The following THSD4 variants were observed in gnomAD, a reference collection of about 807,000 sequenced individuals.
The protein encoded by THSD4 is thrombospondin type 1 domain containing 4.
A neutral mutation model predicts 119.0 loss-of-function variants in THSD4; 69 were observed. The observed-to-expected ratio is 0.58, with a 90% CI of 0.48 to 0.71. The LOEUF (loss-of-function observed/expected upper bound fraction) is 0.71. Among genes scored for constraint, THSD4 ranks in the 30% least tolerant of loss-of-function variants. THSD4 has a pLI of 0.00. For missense variants in THSD4, 1,393 were observed against 1,391.1 expected (o/e 1.00, Z -0.02); for synonymous variants, 524 against 540.4 (o/e 0.97, Z 0.42).
intron 6 of THSD4, among the ~76,000 whole-genome samples, chr15:71,373,742 G>C (rs1431343137): frequency 6.6e-6 from 1 of 152,138 alleles, no homozygotes; most frequent in Non-Finnish European, 1.5e-5. Flanking sequence ...AGTCCATTCT[G>C]CTTCCAAAAT....
chr15:71,258,676 A>T (rs1032483346), intron 6 of THSD4, among the ~76,000 whole-genome samples: 48 of 152,204 alleles, frequency 3.2e-4, no homozygotes, highest in African/African-American at 1.1e-3. Flanking sequence ...CTCACTTAAT[A>T]TGGGTGAGGA....
chr15:71,510,817 A>G (rs1382993332), intron 7 of THSD4, among the ~76,000 whole-genome samples: 2 of 152,018 alleles, frequency 1.3e-5, no homozygotes, highest in African/African-American at 4.8e-5. Flanking sequence ...CTCATTATTT[A>G]CCTCAGATTG....
At chr15:71,651,699 A>G (rs967004380) in intron 7 of THSD4, among the ~76,000 whole-genome samples, 1 of 152,170 alleles carries the variant, frequency 6.6e-6, no homozygotes, top group Non-Finnish European at 1.5e-5. Flanking sequence ...TCATGCCTTA[A>G]CAACATGGCA....
chr15:71,547,385 A>G, intron 7 of THSD4: 2 of 1,550,214 alleles, frequency 1.3e-6, no homozygotes, highest in Non-Finnish European at 1.7e-6. Context: ...GTTCTCCTCT[A>G]GGGTAGTTCT....
intron 7 of THSD4, among the ~76,000 whole-genome samples, chr15:71,435,433 T>C (rs1381296710): frequency 1.3e-5 from 2 of 152,230 alleles, no homozygotes; most frequent in Admixed American, 6.5e-5. Flanking sequence ...TTTTCATAGG[T>C]ACCAATAAGA....
At position 71,588,284 on chromosome 15, in the gene THSD4, C is replaced by T. The variant is rs1253171424; in HGVS notation, c.1153-72246C>T. ...TCGCGCCACTGCACTCCAGCCTGGG[C>T]GACAGAGCGAGACTCCGTCTCAAAA... On this transcript the variant is annotated intron_variant, in intron 7 of 17. Coordinates refer to ENST00000261862, the MANE Select transcript of THSD4 (RefSeq NM_024817.3). Among the ~76,000 whole-genome samples the T allele has an allele frequency of 1.4e-4, 18 of 125,238 alleles. 1 individual carries two copies. The highest frequency in any genetic ancestry group is 5.5e-4 in the South Asian group (2 of 3,634). 82.2% of individuals were successfully genotyped at this position (125,238 alleles called of 152,430 possible).
At chr15:71,530,038 T>C in intron 7 of THSD4, among the ~76,000 whole-genome samples, 1 of 152,248 alleles carries the variant, frequency 6.6e-6, no homozygotes, top group East Asian at 1.9e-4. Flanking sequence ...TTATGGTAAC[T>C]ACTTCTACAA....
intron 7 of THSD4, among the ~76,000 whole-genome samples, chr15:71,485,284 C>T (rs1193289098): frequency 6.6e-6 from 1 of 152,136 alleles, no homozygotes; most frequent in African/African-American, 2.4e-5. Context: ...AGTTCTAGGC[C>T]AAGCTCTGCC....
intron 7 of THSD4, among the ~76,000 whole-genome samples, chr15:71,599,219 C>T (rs2049962797): frequency 6.6e-6 from 1 of 152,160 alleles, no homozygotes; most frequent in African/African-American, 2.4e-5. Flanking sequence ...AATCTGTTGT[C>T]TCTAGCATGG....
intron 6 of THSD4, among the ~76,000 whole-genome samples, chr15:71,354,959 G>A (rs528043396): frequency 1.3e-5 from 2 of 152,136 alleles, no homozygotes; most frequent in African/African-American, 2.4e-5. Context: ...CTGTACTTAC[G>A]TTTAGTGAAT....
intron 8 of THSD4, among the ~76,000 whole-genome samples, chr15:71,712,700 A>G (rs1277221398): frequency 6.6e-6 from 1 of 152,204 alleles, no homozygotes; most frequent in African/African-American, 2.4e-5. Context: ...TTCCTCAACT[A>G]AGGAATGAAT....
chr15:71,190,356 A>G (rs1170566735), intron 3 of THSD4, among the ~76,000 whole-genome samples: 2 of 152,204 alleles, frequency 1.3e-5, no homozygotes, highest in Admixed American at 6.5e-5. Flanking sequence ...GCTGCACATT[A>G]GAATCACCTA....
rs140702343 is a variant in THSD4 at position 71,196,424 on chromosome 15, G to A, written c.100-18611G>A. On this transcript the variant is annotated intron_variant, in intron 3 of 17. Transcript: ENST00000261862. ...CTAAGAACTGTACGATCCAAATTAG[G>A]GGAATTATAATCAAATTGAAAAAGA... 9.2e-5 allele frequency among the ~76,000 whole-genome samples: 14 copies of A among 152,220 alleles called. No homozygotes were observed. In the East Asian group the frequency reaches 2.5e-3, roughly 27 times the overall value.
At chr15:71,506,634 C>T (rs1382642974) in intron 7 of THSD4, among the ~76,000 whole-genome samples, 1 of 152,232 alleles carries the variant, frequency 6.6e-6, no homozygotes, top group Non-Finnish European at 1.5e-5. Context: ...CAAAACAACA[C>T]GTTAAACTTT....
chr15:71,594,767 A>T (rs1350999170), intron 7 of THSD4, among the ~76,000 whole-genome samples: 2 of 152,242 alleles, frequency 1.3e-5, no homozygotes, highest in African/African-American at 4.8e-5. Context: ...GAGGGGAAAT[A>T]AGATACAGTC....
chr15:71,672,434 A>G (rs577439672), intron 8 of THSD4, among the ~76,000 whole-genome samples: 1 of 152,356 alleles, frequency 6.6e-6, no homozygotes, highest in African/African-American at 2.4e-5. Flanking sequence ...ATCTGCAAAC[A>G]GGGACAATTT....
chr15:71,687,924 T>C (rs28565449), intron 8 of THSD4, among the ~76,000 whole-genome samples: 2,161 of 152,352 alleles, frequency 0.014, 42 homozygotes, highest in African/African-American at 0.049. Context: ...CATTCACTTA[T>C]TGAGAGTCTG....
chr15:71,755,481 T>C (rs1294261834), intron 14 of THSD4, among the ~76,000 whole-genome samples: 2 of 152,076 alleles, frequency 1.3e-5, no homozygotes, highest in Non-Finnish European at 2.9e-5. Context: ...TTGACTCTAT[T>C]TTTAAGAAAA....
intron 5 of THSD4, among the ~76,000 whole-genome samples, chr15:71,250,674 A>T (rs867520428): frequency 1.3e-5 from 2 of 152,166 alleles, no homozygotes; most frequent in African/African-American, 4.8e-5. Flanking sequence ...TTAGGGAAAA[A>T]AGAATTCTTT....
Sources: gnomAD v4.1 joint callset for allele counts (sites outside exome capture counted in the v4.1 genomes callset) on GRCh38, gnomAD v4.1.1 for gene constraint, MANE v1.5 for transcripts, NCBI Gene and HGNC (gene_info 2026-07-23, HGNC 2026-07-21) for gene names.